The following CHIC1 variants were observed in gnomAD, a reference collection of about 807,000 sequenced individuals.
The protein encoded by CHIC1 is cysteine rich hydrophobic domain 1.
A neutral mutation model predicts 18.5 loss-of-function variants in CHIC1; 7 were observed. That is an observed-to-expected ratio of 0.38 (90% CI 0.22 to 0.71). The LOEUF is 0.71. Ranked by LOEUF, CHIC1 falls within the 30% of genes least tolerant of loss-of-function variation. The pLI, the probability that CHIC1 is intolerant of heterozygous loss-of-function variation, is 0.49. For missense variants in CHIC1, 159 were observed against 176.9 expected, an observed-to-expected ratio of 0.90 and a Z score of 0.57; for synonymous variants, 77 against 73.5, an observed-to-expected ratio of 1.05 and a Z score of -0.25.
chrX:73,649,363 T>G (rs2057904723), intron 3 of CHIC1, among the ~76,000 whole-genome samples: 1 of 111,518 alleles, frequency 9.0e-6, no homozygotes, highest in Non-Finnish European at 1.9e-5. Flanking sequence ...TAACCTTAAA[T>G]GTAAATGAGC....
At chrX:73,564,213 G>T (rs191820667) in intron 1 of CHIC1, among the ~76,000 whole-genome samples, 1 of 111,017 alleles carries the variant, frequency 9.0e-6, no homozygotes, top group Non-Finnish European at 1.9e-5. Flanking sequence ...CTGTGACCTT[G>T]GTCAGGTTGC....
intron 3 of CHIC1, among the ~76,000 whole-genome samples, chrX:73,671,364 A>G (rs1209182407): frequency 8.9e-6 from 1 of 112,067 alleles, no homozygotes; most frequent in Non-Finnish European, 1.9e-5. Context: ...TTCAGTTATT[A>G]TTTCATTGAA....
intron 3 of CHIC1, among the ~76,000 whole-genome samples, chrX:73,653,545 G>A (rs2057928060): frequency 9.0e-6 from 1 of 111,721 alleles, no homozygotes. Context: ...TATTCAGGGT[G>A]TTGTGTATTT....
intron 2 of CHIC1, among the ~76,000 whole-genome samples, chrX:73,583,219 A>T (rs2057535856): frequency 9.0e-6 from 1 of 111,395 alleles, no homozygotes; most frequent in Non-Finnish European, 1.9e-5. Context: ...AACAATTCTA[A>T]TAAAACTTCT....
At chrX:73,600,702 T>G (rs1489312596) in intron 3 of CHIC1, among the ~76,000 whole-genome samples, 2 of 107,466 alleles carry the variant, frequency 1.9e-5, no homozygotes, top group Non-Finnish European at 1.9e-5. Context: ...TCATGGTCGA[T>G]AAGCTTTTTG....
chrX:73,641,670 C>G (rs2057857095), intron 3 of CHIC1, among the ~76,000 whole-genome samples: 1 of 108,105 alleles, frequency 9.3e-6, no homozygotes, highest in Non-Finnish European at 1.9e-5. Flanking sequence ...CTTCCCCCCT[C>G]CCCCCACACC....
intron 3 of CHIC1, among the ~76,000 whole-genome samples, chrX:73,640,301 T>C (rs12847672): frequency 8.9e-6 from 1 of 112,238 alleles, no homozygotes; most frequent in African/African-American, 3.2e-5. Context: ...GTGGTTTTTG[T>C]TTTTAGTTCT....
At chrX:73,625,681 T>G (rs770834422) in intron 3 of CHIC1, among the ~76,000 whole-genome samples, 5 of 111,183 alleles carry the variant, frequency 4.5e-5, no homozygotes, top group African/African-American at 1.6e-4. Flanking sequence ...TCCCATAGTG[T>G]CAAATCAATT....
chrX:73,657,635 G>A (rs1339153943), intron 3 of CHIC1, among the ~76,000 whole-genome samples: 1 of 111,820 alleles, frequency 8.9e-6, no homozygotes, highest in Non-Finnish European at 1.9e-5. Flanking sequence ...AATTGCCCTA[G>A]TCAGAACTTC....
intron 3 of CHIC1, among the ~76,000 whole-genome samples, chrX:73,597,771 GC>G (rs2057618074): frequency 9.2e-6 from 1 of 108,674 alleles, no homozygotes; most frequent in African/African-American, 3.4e-5. Context: ...CCCTCCCCTA[GC>G]CCCCCACCTC....
chrX:73,609,293 C>A (rs754166757), intron 3 of CHIC1, among the ~76,000 whole-genome samples: 1 of 108,561 alleles, frequency 9.2e-6, no homozygotes, highest in African/African-American at 3.6e-5. Context: ...AAACAAAAAC[C>A]TTTTAGTCTT....
At chrX:73,569,363 C>A (rs2057459279) in intron 1 of CHIC1, among the ~76,000 whole-genome samples, 3 of 111,567 alleles carry the variant, frequency 2.7e-5, no homozygotes, top group Admixed American at 1.9e-4. Flanking sequence ...TCCTTTGCCT[C>A]AGTTTCCTTT....
intron 3 of CHIC1, among the ~76,000 whole-genome samples, chrX:73,666,136 C>T (rs1217898197): frequency 8.9e-6 from 1 of 111,932 alleles, no homozygotes; most frequent in African/African-American, 3.2e-5. Context: ...GCAAAACCTC[C>T]TGGCCTTCCA....
chrX:73,662,586 T>C, intron 3 of CHIC1, among the ~76,000 whole-genome samples: 1 of 107,533 alleles, frequency 9.3e-6, no homozygotes, highest in Non-Finnish European at 1.9e-5. Flanking sequence ...TTGTAACTTA[T>C]CAGTAGTTTT....
chrX:73,675,765 C>T (rs772594341), intron 3 of CHIC1, among the ~76,000 whole-genome samples: 9 of 110,811 alleles, frequency 8.1e-5, no homozygotes, highest in African/African-American at 2.6e-4. Context: ...TGAATTTGAT[C>T]CTGTCGTTAT....
chrX:73,643,502 C>T (rs1244783289), intron 3 of CHIC1, among the ~76,000 whole-genome samples: 1 of 111,841 alleles, frequency 8.9e-6, no homozygotes, highest in Admixed American at 9.5e-5. Context: ...CTTTCAGATA[C>T]ACCAATCAGA....
intron 3 of CHIC1, among the ~76,000 whole-genome samples, chrX:73,664,236 AAT>A (rs752389965): frequency 2.2e-4 from 24 of 111,608 alleles, no homozygotes; most frequent in Non-Finnish European, 3.6e-4. Flanking sequence ...TGATTTGCCC[AAT>A]GTTTCCCTTT....
At chrX:73,585,666 C>G (rs776882532) in intron 3 of CHIC1, among the ~76,000 whole-genome samples, 3 of 111,632 alleles carry the variant, frequency 2.7e-5, no homozygotes, top group East Asian at 5.7e-4. Context: ...AATTTCCCAT[C>G]ATGTAAATAC....
rs752438980 is a variant in CHIC1 at position 73,609,104 on chromosome X, G to A, written c.507+24532G>A. 4.8e-5 allele frequency among the ~76,000 whole-genome samples: 5 copies of A among 104,304 alleles called. 1 individual carries two copies. Among genetic ancestry groups the A allele is most frequent in the African/African-American group, 1.1e-4 (3 of 26,311 alleles). The allele number at this position is 104,304 out of a possible 115,157, so 90.6% of individuals were successfully genotyped here. A position where few individuals can be genotyped will look rare whatever the true frequency, so the allele number is the denominator to read the frequency against. ...CAAGAGGTGGAGGTTGCAGTCAGCC[G>A]AGATTGCACCACTCTACTCCAGCCT... On this transcript the variant is annotated intron_variant, in intron 3 of 5. Coordinates refer to ENST00000373502, the MANE Select transcript of CHIC1 (RefSeq NM_001039840.4).
Sources: gnomAD v4.1 joint callset for allele counts (sites outside exome capture counted in the v4.1 genomes callset) on GRCh38, gnomAD v4.1.1 for gene constraint, MANE v1.5 for transcripts, NCBI Gene and HGNC (gene_info 2026-07-23, HGNC 2026-07-21) for gene names.